Variants in SLC16A12 observed in about 807,000 individuals in gnomAD.
The protein encoded by SLC16A12 is monocarboxylate transporter 12.
Under a neutral mutation model 42.4 loss-of-function variants are expected in SLC16A12, and 17 were observed. That is an observed-to-expected ratio of 0.40 (90% CI 0.27 to 0.60). The LOEUF is 0.60. SLC16A12 is among the 20% of genes least tolerant of loss of function. The pLI, the probability that SLC16A12 is intolerant of heterozygous loss-of-function variation, is 0.42. For missense variants in SLC16A12, 544 were observed against 623.0 expected (o/e 0.87, Z 1.35); for synonymous variants, 224 against 229.4 (o/e 0.98, Z 0.21).
At chr10:89,465,478 CA>C (rs776878845) in intron 2 of SLC16A12, among the ~76,000 whole-genome samples, 3 of 152,174 alleles carry the variant, frequency 2.0e-5, no homozygotes, top group Non-Finnish European at 2.9e-5. Context: ...AATTTCAGAG[CA>C]AAACTAACCC....
At chr10:89,495,998 G>T (rs1344634518) in intron 2 of SLC16A12, among the ~76,000 whole-genome samples, 1 of 152,140 alleles carries the variant, frequency 6.6e-6, no homozygotes, top group Non-Finnish European at 1.5e-5. Context: ...CTTCTAATCA[G>T]CTTCTTAATG....
At chr10:89,481,133 A>C (rs1842655134) in intron 2 of SLC16A12, among the ~76,000 whole-genome samples, 1 of 152,218 alleles carries the variant, frequency 6.6e-6, no homozygotes, top group Admixed American at 6.5e-5. Context: ...ATCAGAACAC[A>C]AAATGTATGT....
chr10:89,483,753 A>AG (rs1842705379), intron 2 of SLC16A12, among the ~76,000 whole-genome samples: 1 of 144,916 alleles, frequency 6.9e-6, no homozygotes, highest in Non-Finnish European at 1.5e-5. Context: ...AAAAAAAAAA[A>AG]CAAAAAAAAA....
At chr10:89,540,780 C>T (rs1189188717) in intron 2 of SLC16A12, among the ~76,000 whole-genome samples, 1 of 152,180 alleles carries the variant, frequency 6.6e-6, no homozygotes, top group Non-Finnish European at 1.5e-5. Context: ...TGACTCAAAG[C>T]TATGTCATCA....
At chr10:89,526,413 C>T (rs139566606) in intron 2 of SLC16A12, among the ~76,000 whole-genome samples, 3 of 152,166 alleles carry the variant, frequency 2.0e-5, no homozygotes, top group Admixed American at 1.3e-4. Flanking sequence ...ATAGTTCTTG[C>T]TGTAAATATC....
upstream of SLC16A12, among the ~76,000 whole-genome samples, chr10:89,539,905 C>CT (rs1554834031): frequency 7.1e-6 from 1 of 140,734 alleles, no homozygotes; most frequent in African/African-American, 2.7e-5. Context: ...TTCTTTCTTT[C>CT]TTTCTTTTTT....
upstream of SLC16A12, chr10:89,535,690 G>C (rs955484921): frequency 2.0e-5 from 3 of 152,012 alleles, no homozygotes; most frequent in South Asian, 2.1e-4. Flanking sequence ...TCACCTCGCC[G>C]GGACCACTGC....
At chr10:89,534,450 T>C (rs1210262336) in intron 2 of SLC16A12, 51 bp downstream of exon 2, 1 of 151,944 alleles carries the variant, frequency 6.6e-6, no homozygotes, top group Non-Finnish European at 1.5e-5. Context: ...ATGAACTAAT[T>C]AGAGGCTCTT....
intron 2 of SLC16A12, among the ~76,000 whole-genome samples, chr10:89,545,443 A>G (rs1843737136): frequency 6.6e-6 from 1 of 152,230 alleles, no homozygotes; most frequent in South Asian, 2.1e-4. Flanking sequence ...CAGAGAGTCA[A>G]ATCATGAATG....
intron 2 of SLC16A12, 190 bp from the exon 3 acceptor site, chr10:89,462,814 C>T: frequency 1.7e-6 from 1 of 585,224 alleles, no homozygotes; most frequent in South Asian, 2.8e-5. Context: ...AATAGAACCT[C>T]TCAAATTGTA....
At chr10:89,535,365 C>T (rs1843636914) in intron 1 of SLC16A12, 77 bp downstream of exon 1, 2 of 152,470 alleles carry the variant, frequency 1.3e-5, no homozygotes, top group South Asian at 4.1e-4. Context: ...TGGAGGGTCC[C>T]CGTCCTCCTC....
At chr10:89,519,765 T>C (rs750622858) in intron 2 of SLC16A12, among the ~76,000 whole-genome samples, 7 of 152,112 alleles carry the variant, frequency 4.6e-5, no homozygotes, top group Non-Finnish European at 8.8e-5. Context: ...GAATGTTACA[T>C]GTCAACAGAA....
chr10:89,526,344 C>T (rs1036147752), intron 2 of SLC16A12, among the ~76,000 whole-genome samples: 4 of 152,232 alleles, frequency 2.6e-5, no homozygotes, highest in African/African-American at 4.8e-5. Context: ...TCTCTAGAAA[C>T]ACTCTCCTGG....
At chr10:89,456,110 G>T (rs1842185204) in intron 3 of SLC16A12, 1 of 152,176 alleles carries the variant, frequency 6.6e-6, no homozygotes, top group African/African-American at 2.4e-5. Context: ...TTGATCTACT[G>T]GGCACTGCAG....
At chr10:89,455,525 C>A (rs1842174867) in intron 3 of SLC16A12, among the ~76,000 whole-genome samples, 1 of 152,142 alleles carries the variant, frequency 6.6e-6, no homozygotes, top group Non-Finnish European at 1.5e-5. Context: ...TTGTGACTTT[C>A]ATGAAATATG....
chr10:89,537,148 T>TG (rs573990846), upstream of SLC16A12, among the ~76,000 whole-genome samples: 40,904 of 146,570 alleles, frequency 0.28, 6,339 homozygotes, highest in African/African-American at 0.39. Context: ...TAGGTATGTT[T>TG]TTTTTTTTTT....
chr10:89,492,084 T>C (rs548310200), intron 2 of SLC16A12, among the ~76,000 whole-genome samples: 1 of 152,332 alleles, frequency 6.6e-6, no homozygotes, highest in East Asian at 1.9e-4. Flanking sequence ...TCAGAAGATG[T>C]TGTCACCTTT....
At chr10:89,528,120 G>A (rs1220105689) in intron 2 of SLC16A12, among the ~76,000 whole-genome samples, 1 of 151,988 alleles carries the variant, frequency 6.6e-6, no homozygotes, top group Non-Finnish European at 1.5e-5. Context: ...AGGATTGCTT[G>A]AGCCTGGGAG....
intron 2 of SLC16A12, among the ~76,000 whole-genome samples, chr10:89,555,345 G>C (rs1222971913): frequency 1.3e-5 from 2 of 151,388 alleles, no homozygotes; most frequent in African/African-American, 4.9e-5. Flanking sequence ...AATAGACAGG[G>C]ATAATGAGCT....
Sources: allele counts gnomAD v4.1 joint callset (sites outside exome capture counted in the v4.1 genomes callset), GRCh38; gene constraint gnomAD v4.1.1; transcripts MANE v1.5; gene names NCBI Gene and HGNC (gene_info 2026-07-23, HGNC 2026-07-21).